Variants in GPC5 observed in about 807,000 individuals in gnomAD.
GPC5 encodes glypican-5.
A neutral mutation model predicts 53.9 loss-of-function variants in GPC5; 47 were observed. That is an observed-to-expected ratio of 0.87 (90% CI 0.69 to 1.11). The LOEUF (loss-of-function observed/expected upper bound fraction) is 1.11. Among genes scored for constraint, GPC5 ranks in the 50% most tolerant of loss-of-function variants. The probability of loss-of-function intolerance (pLI) is 0.00; values close to 1 mark genes in which losing one functional copy is unlikely to be tolerated. For synonymous variants in GPC5, 286 were observed against 263.3 expected, an observed-to-expected ratio of 1.09 and a Z score of -0.84; for missense variants, 748 against 713.1, an observed-to-expected ratio of 1.05 and a Z score of -0.56.
At chr13:92,438,911 A>AT (rs1367228108) in intron 7 of GPC5, among the ~76,000 whole-genome samples, 1 of 152,158 alleles carries the variant, frequency 6.6e-6, no homozygotes, top group Non-Finnish European at 1.5e-5. Context: ...GCTGGAAAAA[A>AT]TGAGTGGCTC....
intron 7 of GPC5, among the ~76,000 whole-genome samples, chr13:92,731,640 A>C (rs2139299743): frequency 6.6e-6 from 1 of 151,520 alleles, no homozygotes; most frequent in Non-Finnish European, 1.5e-5. Flanking sequence ...AAATTACTTA[A>C]ATTGAGAGTA....
At chr13:91,568,614 C>A (rs1367311062) in intron 2 of GPC5, among the ~76,000 whole-genome samples, 1 of 150,026 alleles carries the variant, frequency 6.7e-6, no homozygotes, top group Non-Finnish European at 1.5e-5. Flanking sequence ...GAAGACGGGT[C>A]CTTAGAATTT....
chr13:92,577,624 G>T (rs1171706710), intron 7 of GPC5, among the ~76,000 whole-genome samples: 2 of 152,082 alleles, frequency 1.3e-5, no homozygotes, highest in Admixed American at 6.6e-5. Flanking sequence ...ATCCTACAAA[G>T]ATAAATTAAA....
intron 7 of GPC5, among the ~76,000 whole-genome samples, chr13:92,368,172 A>G (rs1188239890): frequency 6.6e-6 from 1 of 151,624 alleles, no homozygotes; most frequent in Non-Finnish European, 1.5e-5. Context: ...TTTGGTAGAG[A>G]TGGGGTTTCA....
chr13:92,523,815 CA>C (rs1406385639), intron 7 of GPC5, among the ~76,000 whole-genome samples: 1 of 142,456 alleles, frequency 7.0e-6, no homozygotes, highest in African/African-American at 2.5e-5. Flanking sequence ...TCAATTACAT[CA>C]CACAAGTTGT....
intron 2 of GPC5, among the ~76,000 whole-genome samples, chr13:91,555,345 C>T (rs2030883309): frequency 6.6e-6 from 1 of 152,016 alleles, no homozygotes; most frequent in Non-Finnish European, 1.5e-5. Context: ...ATAAATTACT[C>T]CTCAAAAAGA....
intron 7 of GPC5, among the ~76,000 whole-genome samples, chr13:92,312,556 GTGAC>G (rs1023089706): frequency 6.6e-6 from 1 of 151,990 alleles, no homozygotes; most frequent in Non-Finnish European, 1.5e-5. Context: ...CATAATTTAA[GTGAC>G]TGCTTAATAT....
intron 6 of GPC5, among the ~76,000 whole-genome samples, chr13:92,100,264 G>A (rs543328540): frequency 8.3e-4 from 126 of 152,180 alleles, no homozygotes; most frequent in African/African-American, 2.1e-3. Flanking sequence ...TTAGCCAGGC[G>A]TGGTGGCAGG....
intron 2 of GPC5, among the ~76,000 whole-genome samples, chr13:91,478,888 T>TATATATATATA (rs1449554425): frequency 5.1e-5 from 6 of 118,694 alleles, no homozygotes; most frequent in African/African-American, 3.7e-5. Context: ...ACATTATATA[T>TATATATATATA]ATATATATAT....
intron 7 of GPC5, among the ~76,000 whole-genome samples, chr13:92,493,767 G>T (rs1037428357): frequency 6.6e-6 from 1 of 152,166 alleles, no homozygotes; most frequent in Non-Finnish European, 1.5e-5. Flanking sequence ...GAAAGATCCA[G>T]ACGTAGCGCT....
intron 6 of GPC5, among the ~76,000 whole-genome samples, chr13:92,063,071 T>A (rs1471652884): frequency 6.6e-6 from 1 of 151,138 alleles, no homozygotes; most frequent in Admixed American, 6.6e-5. Context: ...GCAGGAGATA[T>A]ATTCTTGACT....
intron 6 of GPC5, among the ~76,000 whole-genome samples, chr13:92,138,391 G>C (rs1422773453): frequency 6.6e-6 from 1 of 151,984 alleles, no homozygotes; most frequent in Non-Finnish European, 1.5e-5. Flanking sequence ...GTGGTGGTGT[G>C]CACCTGTTGT....
chr13:92,392,330 G>A (rs1875044442), intron 7 of GPC5, among the ~76,000 whole-genome samples: 1 of 152,118 alleles, frequency 6.6e-6, no homozygotes, highest in Admixed American at 6.5e-5. Flanking sequence ...AAATGGTGTT[G>A]GGAGAACTGG....
chr13:92,586,966 G>GTGCACA (rs149952774), intron 7 of GPC5, among the ~76,000 whole-genome samples: 7 of 150,784 alleles, frequency 4.6e-5, no homozygotes, highest in South Asian at 2.1e-4. Context: ...ACACACACGC[G>GTGCACA]CACACACACA....
chr13:92,087,369 T>G (rs1045490375), intron 6 of GPC5, among the ~76,000 whole-genome samples: 5 of 152,336 alleles, frequency 3.3e-5, no homozygotes, highest in African/African-American at 1.2e-4. Context: ...CTCCATTGCA[T>G]TTATATTACA....
At chr13:91,822,030 A>C (rs777953375) in intron 5 of GPC5, among the ~76,000 whole-genome samples, 4 of 152,184 alleles carry the variant, frequency 2.6e-5, no homozygotes, top group African/African-American at 4.8e-5. Context: ...TTTGGAAAAA[A>C]TTAATTCATT....
intron 7 of GPC5, chr13:92,339,828 C>G (rs948134398): frequency 5.3e-5 from 8 of 152,024 alleles, no homozygotes; most frequent in Non-Finnish European, 8.8e-5. Flanking sequence ...AAAGTAAGTA[C>G]CTATTTTCTA....
intron 6 of GPC5, among the ~76,000 whole-genome samples, chr13:92,120,405 G>C (rs1052096951): frequency 4.6e-5 from 7 of 152,064 alleles, no homozygotes; most frequent in Non-Finnish European, 7.3e-5. Flanking sequence ...CTACAGGTGT[G>C]CACCATCATG....
intron 5 of GPC5, among the ~76,000 whole-genome samples, chr13:91,760,855 GA>G (rs1331540657): frequency 6.6e-6 from 1 of 152,050 alleles, no homozygotes. Flanking sequence ...TTTGATTTTT[GA>G]AACAAAATCT....
Sources: gnomAD v4.1 joint callset for allele counts (sites outside exome capture counted in the v4.1 genomes callset) on GRCh38, gnomAD v4.1.1 for gene constraint, MANE v1.5 for transcripts, NCBI Gene and HGNC (gene_info 2026-07-23, HGNC 2026-07-21) for gene names.